CACNA1D: variants seen among roughly 807,000 people sequenced by gnomAD.
The protein encoded by CACNA1D is voltage-dependent L-type calcium channel subunit alpha-1D.
Under a neutral mutation model 257.1 loss-of-function variants are expected in CACNA1D, and 55 were observed. The ratio of observed to expected loss-of-function variants is 0.21; its 90% CI spans 0.17 to 0.27. The LOEUF (loss-of-function observed/expected upper bound fraction) is 0.27, where lower values mean the gene tolerates loss of function less well. Ranked by LOEUF, CACNA1D falls within the 10% of genes least tolerant of loss-of-function variation. The probability of loss-of-function intolerance (pLI) is 1.00; values close to 1 mark genes in which losing one functional copy is unlikely to be tolerated. For synonymous variants in CACNA1D, 980 were observed against 1,014.9 expected, an observed-to-expected ratio of 0.97 and a Z score of 0.65; for missense variants, 1,876 against 2,784.0, an observed-to-expected ratio of 0.67 and a Z score of 7.34.
intron 4 of CACNA1D, among the ~76,000 whole-genome samples, chr3:53,657,045 G>A (rs1035336776): frequency 1.3e-5 from 2 of 152,098 alleles, no homozygotes; most frequent in Non-Finnish European, 2.9e-5. Flanking sequence ...CATATTACCA[G>A]TTCTACTCTT....
rs2095494623 is a variant in CACNA1D at position 53,793,568 on chromosome 3, A to G, written c.4923+6616A>G. 6.6e-6 allele frequency among the ~76,000 whole-genome samples: 1 copy of G among 152,188 alleles called. No individual in the cohort carries two copies. The highest frequency in any genetic ancestry group is 1.5e-5 in the Non-Finnish European group (1 of 68,040). On this transcript the variant is annotated intron_variant, in intron 40 of 47. Transcript: ENST00000350061. This position sits in a 1 kb window ranked among gnomAD's most constrained non-coding sequence, Gnocchi z 4.1. ...TGTGCCTTCTCCACGCTCCTCAAAT[A>G]AGTAAAAACTGACAAGTGACCACTT...
chr3:53,646,573 T>C (rs941685575), intron 3 of CACNA1D, among the ~76,000 whole-genome samples: 3 of 152,086 alleles, frequency 2.0e-5, no homozygotes, highest in African/African-American at 7.2e-5. Flanking sequence ...CCCCTTTCAA[T>C]AGAGAATCCA....
intron 37 of CACNA1D, among the ~76,000 whole-genome samples, chr3:53,779,489 G>A (rs750276626): frequency 5.3e-5 from 8 of 151,964 alleles, no homozygotes; most frequent in Non-Finnish European, 1.0e-4. Context: ...TGGGGAATTG[G>A]CTCACGTGAT....
chr3:53,757,012 G>T (rs2108914180), intron 29 of CACNA1D, among the ~76,000 whole-genome samples: 1 of 152,308 alleles, frequency 6.6e-6, no homozygotes, highest in South Asian at 2.1e-4. Flanking sequence ...GCTGGAAAAA[G>T]TAAGGAGAAA....
chr3:53,802,048 C>G (rs950736060), intron 42 of CACNA1D, 99 bp from the exon 43 acceptor site: 1 of 1,048,030 alleles, frequency 9.5e-7, no homozygotes, highest in African/African-American at 1.6e-5. Context: ...ATTTGCTAAC[C>G]CCTACTCTAG....
chr3:53,732,143 C>A, intron 18 of CACNA1D, 61 bp downstream of exon 18: 2 of 1,302,358 alleles, frequency 1.5e-6, no homozygotes, highest in Non-Finnish European at 2.2e-6. Context: ...TGCTCTGTGA[C>A]CACCTGCCGA....
intron 8 of CACNA1D, among the ~76,000 whole-genome samples, chr3:53,674,492 C>A (rs539956686): frequency 2.0e-5 from 3 of 152,196 alleles, no homozygotes; most frequent in African/African-American, 7.2e-5. Context: ...CATTCAGTCA[C>A]GATTTTTGAA....
rs1435704921 is a variant in CACNA1D at position 53,789,026 on chromosome 3, G to T, written c.4923+2074G>T. On this transcript the variant is annotated intron_variant, in intron 40 of 47. Coordinates refer to ENST00000350061, the MANE Select transcript of CACNA1D (RefSeq NM_001128840.3). The surrounding 1 kb of genome is among the most constrained non-coding windows in gnomAD (Gnocchi z 4.2). ...AGTCATTACCAGGTTTCACGTATGG[G>T]GTTTACTGAGTCTTAAGTTGAAGGG... 1.3e-5 allele frequency among the ~76,000 whole-genome samples: 2 copies of T among 152,160 alleles called. No homozygotes were observed. The highest frequency in any genetic ancestry group is 4.8e-5 in the African/African-American group (2 of 41,438).
Position 53,723,821 on chromosome 3 carries a change from C to T in CACNA1D, c.1922C>T (p.Ala641Val), listed in dbSNP as rs1373277790. The change falls in exon 14 of 48, where the codon GCA becomes GTA. Residue 641 changes from alanine to valine, a missense_variant. Physicochemically the swap from Ala to Val is moderately conservative, Grantham distance 64 (BLOSUM62 0). Around this residue, in one of 10 missense-constraint regions of CACNA1D, gnomAD observed 257 missense variants for 399.7 expected, o/e 0.64. Transcript: ENST00000350061. The surrounding 1 kb of genome is among the most constrained non-coding windows in gnomAD (Gnocchi z 5.6). ...TGGACTTCCCTGAGCAACTTAGTGG[C>T]ATCCTTATTAAACTCCATGAAGTCC... The part of the protein sequence containing the change: ...RHWTSLSNLV[A>V]SLLNSMKSIA... The T allele has an allele frequency of 6.2e-7, 1 of 1,614,092 alleles. No individual in the cohort carries two copies. Among genetic ancestry groups the T allele is most frequent in the South Asian group, 1.1e-5 (1 of 91,076 alleles).
chr3:53,700,016 G>T (rs1180577899), intron 8 of CACNA1D, among the ~76,000 whole-genome samples: 5 of 150,422 alleles, frequency 3.3e-5, no homozygotes, highest in African/African-American at 1.2e-4. Flanking sequence ...ACCCTGAGAA[G>T]CTTAAGGACG....
rs1228312295 is a variant in CACNA1D, at chr3:53,808,773, G to A, written c.5871+3G>A. The A allele has an allele frequency of 1.2e-6, 2 of 1,605,434 alleles. No individual in the cohort carries two copies. Among genetic ancestry groups the A allele is most frequent in the East Asian group, 2.2e-5 (1 of 44,892 alleles). On this transcript the variant is annotated splice_donor_region_variant and intron_variant, in intron 46 of 47. Coordinates refer to ENST00000350061, the MANE Select transcript of CACNA1D (RefSeq NM_001128840.3). ...CTCTGCATCTAATGCAGCAACAGGT[G>A]AGCGGCCCACCTGGCCTTGCCCCCA...
intron 3 of CACNA1D, among the ~76,000 whole-genome samples, chr3:53,604,230 G>A (rs2093479664): frequency 6.6e-6 from 1 of 152,214 alleles, no homozygotes; most frequent in South Asian, 2.1e-4. Flanking sequence ...GTTGCAAAGG[G>A]AGTTGGAAGT....
chr3:53,723,699 A>G lies in CACNA1D; in HGVS notation c.1892+40A>G. On this transcript the variant is annotated intron_variant, in intron 13 of 47. Transcript: ENST00000350061. The surrounding 1 kb of genome is among the most constrained non-coding windows in gnomAD (Gnocchi z 5.6). ...GTCCCACTGCAAATGTTTTATGAACATGAGGCGGCAACCAGTCACATCCCC... is the reference window on the plus strand; with the variant it reads ...GTCCCACTGCAAATGTTTTATGAACGTGAGGCGGCAACCAGTCACATCCCC... 1.2e-6 allele frequency: 2 copies of G among 1,601,980 alleles called. No homozygotes were observed. The highest frequency in any genetic ancestry group is 1.7e-6 in the Non-Finnish European group (2 of 1,168,910).
intron 2 of CACNA1D, among the ~76,000 whole-genome samples, chr3:53,499,231 G>T (rs1426320287): frequency 1.3e-5 from 2 of 152,156 alleles, no homozygotes; most frequent in Admixed American, 1.3e-4. Context: ...CAGGAATTAG[G>T]GGACGTGGCT....
Position 53,780,131 on chromosome 3 carries a change from G to A in CACNA1D, c.4690+3G>A. The stretch of plus-strand genomic sequence containing the variant: ...GGCTCTTAAGATCAAGACCGAAGGT[G>A]AGCATTCCCTGCCAGCAAGACAAGA... On this transcript the variant is annotated splice_donor_region_variant and intron_variant, in intron 38 of 47. Transcript: ENST00000350061. 1 of 1,604,736 alleles carries A rather than the reference G, an allele frequency of 6.2e-7. No homozygotes were observed. Among genetic ancestry groups the A allele is most frequent in the Non-Finnish European group, 8.5e-7 (1 of 1,171,450 alleles).
At chr3:53,626,729 T>A (rs77255763) in intron 3 of CACNA1D, among the ~76,000 whole-genome samples, 4,585 of 152,250 alleles carry the variant, frequency 0.03, 90 homozygotes, top group East Asian at 0.074. Flanking sequence ...AATTTACCTA[T>A]CTATATTTTA....
chr3:53,690,569 G>A (rs749295287), intron 8 of CACNA1D, among the ~76,000 whole-genome samples: 3 of 152,186 alleles, frequency 2.0e-5, no homozygotes, highest in Non-Finnish European at 4.4e-5. Context: ...CCCACCCACC[G>A]TGCCTTTCAG....
At chr3:53,612,762 C>T (rs1359433431) in intron 3 of CACNA1D, among the ~76,000 whole-genome samples, 2 of 152,184 alleles carry the variant, frequency 1.3e-5, no homozygotes, top group Non-Finnish European at 2.9e-5. Flanking sequence ...TCAGAATGAA[C>T]CTCCAGGCAG....
chr3:53,655,945 T>G (rs1445248131), intron 4 of CACNA1D, among the ~76,000 whole-genome samples: 1 of 152,218 alleles, frequency 6.6e-6, no homozygotes, highest in African/African-American at 2.4e-5. Context: ...CATCTTGAGT[T>G]GATTTTTGTA....
Sources: gnomAD v4.1 joint callset for allele counts (sites outside exome capture counted in the v4.1 genomes callset) on GRCh38, gnomAD v4.1.1 for gene constraint, gnomAD v4.1.1 regional missense constraint, Gnocchi (gnomAD v3.1) non-coding constraint, MANE v1.5 for transcripts, NCBI Gene and HGNC (gene_info 2026-07-23, HGNC 2026-07-21) for gene names.